PDZD2: variants seen among roughly 807,000 people sequenced by gnomAD.
The protein encoded by PDZD2 is PDZ domain-containing protein 2.
In PDZD2, 90 loss-of-function variants were observed where a neutral mutation model predicts 220.7. The ratio of observed to expected loss-of-function variants is 0.41; its 90% CI spans 0.34 to 0.49. The LOEUF (loss-of-function observed/expected upper bound fraction) is 0.49. Ranked by LOEUF, PDZD2 falls within the 20% of genes least tolerant of loss-of-function variation. PDZD2 has a pLI of 0.28. For missense variants in PDZD2, 3,174 were observed against 3,608.5 expected (o/e 0.88, Z 3.08); for synonymous variants, 1,375 against 1,450.5 (o/e 0.95, Z 1.18).
intron 1 of PDZD2, among the ~76,000 whole-genome samples, chr5:31,767,207 T>C (rs1028161397): frequency 1.3e-5 from 2 of 151,780 alleles, no homozygotes; most frequent in Non-Finnish European, 2.9e-5. Context: ...AATTTTTGTA[T>C]TTTTCGTAGA....
intron 2 of PDZD2, among the ~76,000 whole-genome samples, chr5:31,957,458 A>G (rs1312459810): frequency 6.6e-6 from 1 of 152,232 alleles, no homozygotes; most frequent in Admixed American, 6.5e-5. Flanking sequence ...CTTAACACGC[A>G]TTACCGAAAA....
chr5:31,682,892 C>A (rs2150124034), intron 1 of PDZD2, among the ~76,000 whole-genome samples: 1 of 152,224 alleles, frequency 6.6e-6, no homozygotes, highest in East Asian at 1.9e-4. Context: ...CGCAGAAAGA[C>A]CCCTTCTCCC....
intron 2 of PDZD2, among the ~76,000 whole-genome samples, chr5:31,976,029 T>C (rs1749738013): frequency 6.6e-6 from 1 of 151,902 alleles, no homozygotes; most frequent in South Asian, 2.1e-4. Flanking sequence ...CCACTCTTAC[T>C]AGACAGTATT....
intron 2 of PDZD2, among the ~76,000 whole-genome samples, chr5:31,822,054 G>A (rs956401899): frequency 3.9e-5 from 6 of 152,190 alleles, no homozygotes; most frequent in East Asian, 1.9e-4. Context: ...ATAGTATTCC[G>A]TGGTGTATAT....
intron 2 of PDZD2, among the ~76,000 whole-genome samples, chr5:31,837,203 A>ACTCTCCACACCTGTGC (rs1308435694): frequency 1.3e-5 from 2 of 152,036 alleles, no homozygotes; most frequent in East Asian, 3.9e-4. Flanking sequence ...CAAAATGCAG[A>ACTCTCCACACCTGTGC]CTCTCCACAC....
intron 2 of PDZD2, among the ~76,000 whole-genome samples, chr5:31,830,781 A>G (rs557035434): frequency 6.6e-6 from 1 of 152,270 alleles, no homozygotes; most frequent in African/African-American, 2.4e-5. Context: ...GTGTCCAAAC[A>G]CTCTGATCTG....
In PDZD2 at chr5:32,089,789, G is replaced by C; in HGVS notation, c.6341G>C (p.Arg2114Thr). 6.2e-7 allele frequency: 1 copy of C among 1,614,204 alleles called. No homozygotes were observed. The highest frequency in any genetic ancestry group is 2.2e-5 in the East Asian group (1 of 44,876). The part of the protein sequence containing the change: ...VCGNKPAESD[R>T]RGGCLAQGNC... Reference sequence around the variant, plus strand: ...GGTAACAAGCCAGCTGAAAGCGACAGACGGGGAGGGTGCTTGGCCCAGGGC... The same window carrying C: ...GGTAACAAGCCAGCTGAAAGCGACACACGGGGAGGGTGCTTGGCCCAGGGC... Residue 2114 changes from arginine (R) to threonine (T), a missense_variant, in exon 20 of 25, where the codon AGA becomes ACA. Arg to Thr is a moderately conservative substitution (Grantham distance 71, BLOSUM62 -1). Around this residue, in one of 4 missense-constraint regions of PDZD2, gnomAD observed 1,861 missense variants for 2,001.0 expected, o/e 0.93. Transcript: ENST00000438447.
chr5:31,821,300 T>C (rs983186844), intron 2 of PDZD2, among the ~76,000 whole-genome samples: 3 of 97,970 alleles, frequency 3.1e-5, no homozygotes, highest in African/African-American at 7.7e-5. Context: ...ATTATAAATC[T>C]AATTTTTTGT....
chr5:31,929,437 C>A (rs987120737), intron 2 of PDZD2, among the ~76,000 whole-genome samples: 1 of 152,226 alleles, frequency 6.6e-6, no homozygotes, highest in African/African-American at 2.4e-5. Flanking sequence ...AGCAATGCCC[C>A]ACCCATCCTA....
rs151300945 is a variant in PDZD2, at chr5:31,836,567, A to C, written c.476+36843A>C. Among the ~76,000 whole-genome samples, 578 of 152,208 alleles carry C rather than the reference A, an allele frequency of 3.8e-3. 2 individuals are homozygous for C. The highest frequency in any genetic ancestry group is 0.021 in the South Asian group (100 of 4,824). On this transcript the variant is annotated intron_variant, in intron 2 of 24. Transcript: ENST00000438447. ...TGAGGGAAAAATCCATGATTTTTAC[A>C]AATGTCCCCAACTTGATCTAAATCC...
At chr5:31,911,554 T>G (rs1444065136) in intron 2 of PDZD2, among the ~76,000 whole-genome samples, 1 of 152,256 alleles carries the variant, frequency 6.6e-6, no homozygotes, top group Non-Finnish European at 1.5e-5. Context: ...GTTTCTCTGT[T>G]TTCTTGCCGA....
At chr5:31,891,445 A>G (rs1056961665) in intron 2 of PDZD2, among the ~76,000 whole-genome samples, 1 of 152,054 alleles carries the variant, frequency 6.6e-6, no homozygotes, top group African/African-American at 2.4e-5. Context: ...CCTCCCTTAC[A>G]GCTGGGATTA....
At chr5:32,082,664 A>G (rs925079903) in intron 19 of PDZD2, among the ~76,000 whole-genome samples, 9 of 152,208 alleles carry the variant, frequency 5.9e-5, no homozygotes, top group African/African-American at 9.7e-5. Flanking sequence ...AGAAACATAT[A>G]TGTGTGTATA....
chr5:31,758,191 C>G (rs1299102587), intron 1 of PDZD2, among the ~76,000 whole-genome samples: 1 of 152,240 alleles, frequency 6.6e-6, no homozygotes, highest in Admixed American at 6.5e-5. Flanking sequence ...TTTCAAGAGC[C>G]TGGACCTTAA....
At chr5:32,084,812 A>G (rs1438234434) in intron 19 of PDZD2, among the ~76,000 whole-genome samples, 4 of 152,108 alleles carry the variant, frequency 2.6e-5, no homozygotes, top group African/African-American at 7.2e-5. Context: ...CCTTATGAAC[A>G]GGCACTTTCA....
At chr5:31,656,087 A>C (rs1245376731) in intron 1 of PDZD2, among the ~76,000 whole-genome samples, 1 of 152,152 alleles carries the variant, frequency 6.6e-6, no homozygotes, top group Non-Finnish European at 1.5e-5. Context: ...GTTCTTTGTT[A>C]ATTTCCCAGT....
chr5:31,704,251 G>T (rs918479826), intron 1 of PDZD2, among the ~76,000 whole-genome samples: 15 of 152,104 alleles, frequency 9.9e-5, no homozygotes, highest in Non-Finnish European at 1.9e-4. Context: ...GGGCTCAAGC[G>T]ATCTGCCAAC....
intron 1 of PDZD2, among the ~76,000 whole-genome samples, chr5:31,692,265 G>A (rs1161316966): frequency 1.3e-5 from 2 of 152,194 alleles, no homozygotes; most frequent in African/African-American, 4.8e-5. Flanking sequence ...CGAGTGCGGG[G>A]TCCGCGGAGC....
chr5:31,973,270 G>C (rs1339981936), intron 2 of PDZD2, among the ~76,000 whole-genome samples: 1 of 152,196 alleles, frequency 6.6e-6, no homozygotes, highest in Non-Finnish European at 1.5e-5. Flanking sequence ...CATATTGGTG[G>C]AGTTACTTTG....
Sources: gnomAD v4.1 joint callset for allele counts (sites outside exome capture counted in the v4.1 genomes callset) on GRCh38, gnomAD v4.1.1 for gene constraint, gnomAD v4.1.1 regional missense constraint, MANE v1.5 for transcripts, NCBI Gene and HGNC (gene_info 2026-07-23, HGNC 2026-07-21) for gene names.